The following RAB3GAP1 variants were observed in gnomAD, a reference collection of about 807,000 sequenced individuals.
RAB3GAP1 encodes the protein RAB3 GTPase activating protein catalytic subunit 1, also known as rab3 GTPase-activating protein catalytic subunit.
RAB3GAP1 carries 86 observed loss-of-function variants against 130.7 expected under a neutral mutation model. The ratio of observed to expected loss-of-function variants is 0.66; its 90% CI spans 0.55 to 0.79. RAB3GAP1 has a LOEUF of 0.79. Ranked by LOEUF, RAB3GAP1 falls within the 30% of genes least tolerant of loss-of-function variation. The pLI, the probability that RAB3GAP1 is intolerant of heterozygous loss-of-function variation, is 0.00. For synonymous variants in RAB3GAP1, 367 were observed against 401.7 expected (o/e 0.91, Z 1.03); for missense variants, 1,029 against 1,169.4 (o/e 0.88, Z 1.75).
intron 11 of RAB3GAP1, among the ~76,000 whole-genome samples, chr2:135,127,709 A>G (rs1210251216): frequency 1.3e-5 from 2 of 152,038 alleles, no homozygotes; most frequent in African/African-American, 4.8e-5. Flanking sequence ...TCTGCAGCCT[A>G]TTTTCTGATA....
intron 2 of RAB3GAP1, among the ~76,000 whole-genome samples, chr2:135,053,319 T>G (rs565962902): frequency 1.3e-5 from 2 of 152,388 alleles, no homozygotes; most frequent in East Asian, 3.9e-4. Context: ...AATGCTTTGA[T>G]TTAAGTTGTT....
At chr2:135,072,063 C>T (rs560951289) in intron 3 of RAB3GAP1, among the ~76,000 whole-genome samples, 2 of 152,274 alleles carry the variant, frequency 1.3e-5, no homozygotes, top group Admixed American at 6.5e-5. Flanking sequence ...CAGGTGTGCA[C>T]CACCATGCCT....
At chr2:135,150,222 A>C (rs1692135824) in intron 17 of RAB3GAP1, 147 bp from the exon 18 acceptor site, 1 of 938,772 alleles carries the variant, frequency 1.1e-6, no homozygotes, top group African/African-American at 1.7e-5. Flanking sequence ...TGTAAGTTCT[A>C]AAAAACTTAT....
intron 5 of RAB3GAP1, among the ~76,000 whole-genome samples, chr2:135,109,804 G>T (rs766591788): frequency 1.3e-5 from 2 of 151,998 alleles, no homozygotes; most frequent in Non-Finnish European, 2.9e-5. Context: ...GGATGGTCTC[G>T]ATCTCCTGAC....
chr2:135,126,714 G>A (rs1048857197), intron 11 of RAB3GAP1, 58 bp downstream of exon 11: 16 of 1,373,554 alleles, frequency 1.2e-5, no homozygotes, highest in Middle Eastern at 1.8e-4. Flanking sequence ...CTTCCAAATC[G>A]GAGACACTGC....
At chr2:135,175,996 G>A (rs1181064422) in intron 24 of RAB3GAP1, among the ~76,000 whole-genome samples, 3 of 152,008 alleles carry the variant, frequency 2.0e-5, no homozygotes, top group African/African-American at 4.8e-5. Flanking sequence ...GAAAGATAAG[G>A]TACCACAAAG....
chr2:135,130,323 T>C lies in RAB3GAP1; in HGVS notation c.1067-229T>C, dbSNP rs2305595. 0.11 allele frequency among the ~76,000 whole-genome samples: 17,467 copies of C among 152,240 alleles called. 1,292 individuals carry two copies. Among genetic ancestry groups the C allele is most frequent in the South Asian group, 0.32 (1,532 of 4,828 alleles). ...TAAAATATTTTGAAAAGCAGAGTTT[T>C]AGAGGTTAAATTTTGAAGTCTCCTA... On this transcript the variant is annotated intron_variant, in intron 12 of 23. Transcript: ENST00000264158.
At chr2:135,117,486 T>TCTG (rs1246052775) in intron 7 of RAB3GAP1, among the ~76,000 whole-genome samples, 95 of 133,244 alleles carry the variant, frequency 7.1e-4, no homozygotes, top group African/African-American at 1.9e-3. Flanking sequence ...TTCTTCTGCT[T>TCTG]CTTCTTCTGC....
At chr2:135,118,385 G>A (rs1056099741) in intron 7 of RAB3GAP1, among the ~76,000 whole-genome samples, 1 of 152,092 alleles carries the variant, frequency 6.6e-6, no homozygotes, top group Non-Finnish European at 1.5e-5. Context: ...TTGAACTTAA[G>A]AGCTGGTTTG....
intron 8 of RAB3GAP1, chr2:135,123,934 C>A: frequency 2.0e-6 from 1 of 504,194 alleles, no homozygotes; most frequent in South Asian, 2.4e-5. Flanking sequence ...AATACCTGGC[C>A]TGAATGAAAT....
chr2:135,153,966 C>A, intron 19 of RAB3GAP1, 90 bp downstream of exon 19: 2 of 1,227,758 alleles, frequency 1.6e-6, no homozygotes, highest in Non-Finnish European at 2.4e-6. Flanking sequence ...GAGTTTTGGA[C>A]ACACTTGAGG....
At chr2:135,137,891 C>A (rs1301775844) in intron 17 of RAB3GAP1, among the ~76,000 whole-genome samples, 2 of 151,390 alleles carry the variant, frequency 1.3e-5, no homozygotes, top group East Asian at 3.9e-4. Flanking sequence ...AGTGGCATGA[C>A]TGTAGCTTAC....
chr2:135,061,960 T>G (rs1689183478), intron 3 of RAB3GAP1, among the ~76,000 whole-genome samples: 1 of 152,188 alleles, frequency 6.6e-6, no homozygotes, highest in South Asian at 2.1e-4. Context: ...ACCTAAGTGG[T>G]CTACTTCTGG....
intron 5 of RAB3GAP1, among the ~76,000 whole-genome samples, chr2:135,102,054 T>TA (rs1340759115): frequency 1.3e-5 from 2 of 152,196 alleles, no homozygotes; most frequent in Non-Finnish European, 2.9e-5. Flanking sequence ...GGATATAAGT[T>TA]ATGTGGCAAG....
chr2:135,176,144 T>A (rs1000424153), intron 24 of RAB3GAP1: 2 of 152,140 alleles, frequency 1.3e-5, no homozygotes, highest in African/African-American at 4.8e-5. Flanking sequence ...AACCAAGCAA[T>A]TCTTGAAGAA....
intron 5 of RAB3GAP1, among the ~76,000 whole-genome samples, chr2:135,099,184 C>G (rs1354107887): frequency 6.6e-6 from 1 of 151,934 alleles, no homozygotes; most frequent in Non-Finnish European, 1.5e-5. Flanking sequence ...CGTAGATGCT[C>G]TTTATCAGAT....
Position 135,120,935 on chromosome 2 carries a change from C to CTATA in RAB3GAP1, c.748+19_748+22dup. 6.8e-7 allele frequency: 1 copy of CTATA among 1,468,936 alleles called. No individual in the cohort carries two copies. Among genetic ancestry groups the CTATA allele is most frequent in the Non-Finnish European group, 9.5e-7 (1 of 1,047,998 alleles). 91.0% of individuals were successfully genotyped at this position (1,468,936 alleles called of 1,614,324 possible). A position where few individuals can be genotyped will look rare whatever the true frequency, so the allele number is the denominator to read the frequency against. On this transcript the variant is annotated intron_variant, in intron 8 of 23. Coordinates refer to ENST00000264158, the MANE Select transcript of RAB3GAP1 (RefSeq NM_012233.3). ...AACCTCCAGGTGAGATCATTTAGAA[C>CTATA]TATATTTAACTTACTGAATATAAAT...
intron 19 of RAB3GAP1, among the ~76,000 whole-genome samples, chr2:135,158,955 T>C (rs1447365791): frequency 6.6e-6 from 1 of 152,082 alleles, no homozygotes; most frequent in Admixed American, 6.5e-5. Context: ...AAAAAGATTT[T>C]GAAAAAAGAA....
intron 19 of RAB3GAP1, among the ~76,000 whole-genome samples, chr2:135,162,123 G>A (rs1165725149): frequency 6.6e-6 from 1 of 152,072 alleles, no homozygotes; most frequent in Non-Finnish European, 1.5e-5. Context: ...ACCAAAAAAT[G>A]TGTGGGAAGT....
Sources: allele counts gnomAD v4.1 joint callset (sites outside exome capture counted in the v4.1 genomes callset), GRCh38; gene constraint gnomAD v4.1.1; transcripts MANE v1.5; gene names NCBI Gene and HGNC (gene_info 2026-07-23, HGNC 2026-07-21).